Variants in TLN2 observed in about 807,000 individuals in gnomAD.
TLN2 encodes talin 2.
In TLN2, 118 loss-of-function variants were observed where a neutral mutation model predicts 294.7. The ratio of observed to expected loss-of-function variants is 0.40; its 90% confidence interval spans 0.34 to 0.47. The LOEUF is 0.47. Ranked by LOEUF, TLN2 falls within the 20% of genes least tolerant of loss-of-function variation. The pLI is 0.84. For missense variants in TLN2, 3,083 were observed against 3,282.2 expected, an observed-to-expected ratio of 0.94 and a Z score of 1.48; for synonymous variants, 1,431 against 1,304.5, an observed-to-expected ratio of 1.10 and a Z score of -2.09.
chr15:62,570,903 CTGTGTGTGTGTGTGTGTG>C (rs58523803), intron 1 of TLN2, among the ~76,000 whole-genome samples: 8 of 143,834 alleles, frequency 5.6e-5, no homozygotes, highest in African/African-American at 1.8e-4. Context: ...GCACAGGCAT[CTGTGTGTGTGTGTGTGTG>C]TGTGTGTGTG....
At chr15:62,683,427 G>T (rs2057008802) in intron 11 of TLN2, among the ~76,000 whole-genome samples, 2 of 149,878 alleles carry the variant, frequency 1.3e-5, no homozygotes, top group African/African-American at 4.9e-5. Context: ...TAGAATGCCT[G>T]CATTCTCCCG....
At chr15:62,666,063 A>G (rs2140984349) in intron 9 of TLN2, among the ~76,000 whole-genome samples, 1 of 152,154 alleles carries the variant, frequency 6.6e-6, no homozygotes, top group Non-Finnish European at 1.5e-5. Flanking sequence ...CTCCCTAACT[A>G]CTTTCAAACC....
intron 57 of TLN2, 130 bp from the exon 58 acceptor site, chr15:62,838,726 T>C (rs1442740469): frequency 3.2e-6 from 4 of 1,250,212 alleles, no homozygotes; most frequent in Non-Finnish European, 4.3e-6. Context: ...ACTCTCTGGC[T>C]ACAGAACTTG....
At chr15:62,772,465 G>T (rs1311614678) in intron 42 of TLN2, among the ~76,000 whole-genome samples, 3 of 152,072 alleles carry the variant, frequency 2.0e-5, no homozygotes, top group African/African-American at 7.2e-5. Context: ...GAAACGATAG[G>T]GTGCCCTGCA....
At chr15:62,808,013 C>T (rs994082042) in intron 51 of TLN2, among the ~76,000 whole-genome samples, 2 of 152,118 alleles carry the variant, frequency 1.3e-5, no homozygotes, top group Non-Finnish European at 2.9e-5. Context: ...GTGGTCAAGA[C>T]GGAAGCCTTA....
intron 1 of TLN2, among the ~76,000 whole-genome samples, chr15:62,490,078 A>C (rs977130686): frequency 1.3e-5 from 2 of 152,198 alleles, no homozygotes; most frequent in African/African-American, 4.8e-5. Flanking sequence ...TAAGTAACAG[A>C]CCTTAGATCT....
chr15:62,647,204 T>G, intron 3 of TLN2, 71 bp from the exon 4 acceptor site: 1 of 1,421,842 alleles, frequency 7.0e-7, no homozygotes, highest in Non-Finnish European at 9.5e-7. Context: ...GTCCAGCACT[T>G]TTTTTGTTTT....
chr15:62,713,994 A>G (rs1327850486), intron 22 of TLN2, among the ~76,000 whole-genome samples: 3 of 149,958 alleles, frequency 2.0e-5, no homozygotes, highest in Admixed American at 1.3e-4. Flanking sequence ...AGGTTTTACT[A>G]GTTTACCCCA....
intron 1 of TLN2, among the ~76,000 whole-genome samples, chr15:62,542,331 A>G (rs991480647): frequency 6.6e-6 from 1 of 150,424 alleles, no homozygotes; most frequent in African/African-American, 2.5e-5. Context: ...AGCTGGGACT[A>G]CAGGCGCCTG....
At chr15:62,644,259 C>T (rs1198596629) in intron 3 of TLN2, among the ~76,000 whole-genome samples, 2 of 150,092 alleles carry the variant, frequency 1.3e-5, no homozygotes, top group Admixed American at 6.8e-5. Flanking sequence ...TGGGTACATG[C>T]GATCTCTCCC....
intron 3 of TLN2, among the ~76,000 whole-genome samples, chr15:62,619,443 C>A (rs938690667): frequency 6.6e-6 from 1 of 152,178 alleles, no homozygotes; most frequent in Non-Finnish European, 1.5e-5. Context: ...ATTTTTAAAT[C>A]AAGAGAATTC....
At chr15:62,693,333 A>T (rs1285117864) in intron 13 of TLN2, among the ~76,000 whole-genome samples, 1 of 152,152 alleles carries the variant, frequency 6.6e-6, no homozygotes, top group Non-Finnish European at 1.5e-5. Context: ...TTCCATCTCA[A>T]AAAAAAACAA....
At chr15:62,655,762 G>A (rs555485381) in intron 7 of TLN2, among the ~76,000 whole-genome samples, 182 bp from the exon 8 acceptor site, 2 of 152,212 alleles carry the variant, frequency 1.3e-5, no homozygotes, top group South Asian at 4.1e-4. Context: ...CTGGTCCTTT[G>A]GTAGATGTGA....
chr15:62,673,092 G>GTGTGTGTGTGTGTGTGTGTGTGTC (rs1462698070), intron 9 of TLN2, among the ~76,000 whole-genome samples: 4 of 150,558 alleles, frequency 2.7e-5, no homozygotes, highest in Non-Finnish European at 4.5e-5. Flanking sequence ...GTGTGTGTGT[G>GTGTGTGTGTGTGTGTGTGTGTGTC]TGTGTGTCTG....
At chr15:62,494,748 TG>T (rs2038933137) in intron 1 of TLN2, among the ~76,000 whole-genome samples, 1 of 152,192 alleles carries the variant, frequency 6.6e-6, no homozygotes, top group African/African-American at 2.4e-5. Context: ...GACATTTATT[TG>T]AGAAGACATT....
chr15:62,551,259 G>C (rs778598671), intron 1 of TLN2, among the ~76,000 whole-genome samples: 3 of 152,108 alleles, frequency 2.0e-5, no homozygotes, highest in Admixed American at 6.6e-5. Context: ...ACTGTGTGGC[G>C]TGGTTCCTAA....
chr15:62,739,282 A>G, intron 30 of TLN2, 66 bp from the exon 31 acceptor site: 1 of 1,529,280 alleles, frequency 6.5e-7, no homozygotes, highest in South Asian at 1.3e-5. Context: ...CTTCCACAAT[A>G]CCTTCCTTTT....
At chr15:62,677,908 G>A (rs1318418265) in intron 11 of TLN2, among the ~76,000 whole-genome samples, 2 of 138,058 alleles carry the variant, frequency 1.4e-5, no homozygotes, top group Non-Finnish European at 3.0e-5. Flanking sequence ...CGATTCTCCT[G>A]CCTTAGCTTC....
At chr15:62,774,079 C>G (rs2063531741) in intron 42 of TLN2, among the ~76,000 whole-genome samples, 1 of 152,178 alleles carries the variant, frequency 6.6e-6, no homozygotes, top group Admixed American at 6.5e-5. Context: ...GCCCACAACA[C>G]TCCAGCAGAA....
Sources: gnomAD v4.1 joint callset for allele counts (sites outside exome capture counted in the v4.1 genomes callset) on GRCh38, gnomAD v4.1.1 for gene constraint, MANE v1.5 for transcripts, NCBI Gene and HGNC (gene_info 2026-07-23, HGNC 2026-07-21) for gene names.